Variants in HNF4G observed in about 807,000 individuals in gnomAD.
The protein encoded by HNF4G is hepatocyte nuclear factor 4 gamma.
Under a neutral mutation model 50.9 loss-of-function variants are expected in HNF4G, and 21 were observed. That is an observed-to-expected ratio of 0.41 (90% CI 0.29 to 0.59). HNF4G has a LOEUF of 0.59. HNF4G is among the 20% of genes least tolerant of loss of function. The probability of loss-of-function intolerance (pLI) is 0.26; values close to 1 mark genes in which losing one functional copy is unlikely to be tolerated. For missense variants in HNF4G, 527 were observed against 559.4 expected (o/e 0.94, Z 0.58); for synonymous variants, 198 against 185.6 (o/e 1.07, Z -0.54).
At chr8:75,548,965 A>C (rs1806867449) in intron 3 of HNF4G, among the ~76,000 whole-genome samples, 1 of 152,204 alleles carries the variant, frequency 6.6e-6, no homozygotes, top group African/African-American at 2.4e-5. Context: ...CTAATTTCAT[A>C]GGAAGCTCTA....
chr8:75,529,007 C>T (rs112386232), intron 2 of HNF4G, among the ~76,000 whole-genome samples: 32 of 152,228 alleles, frequency 2.1e-4, no homozygotes, highest in African/African-American at 7.5e-4. Flanking sequence ...CAGATCTCTG[C>T]CGGGCGCGGT....
At chr8:75,511,263 A>G (rs530131661) in intron 2 of HNF4G, among the ~76,000 whole-genome samples, 4 of 152,304 alleles carry the variant, frequency 2.6e-5, no homozygotes, top group Admixed American at 2.0e-4. Flanking sequence ...TGCCATGTGG[A>G]TATCAACTTT....
At chr8:75,511,349 A>G (rs1325823778) in intron 2 of HNF4G, among the ~76,000 whole-genome samples, 2 of 152,192 alleles carry the variant, frequency 1.3e-5, no homozygotes, top group African/African-American at 2.4e-5. Flanking sequence ...CACTCTCTTT[A>G]TAACATATAC....
intron 3 of HNF4G, among the ~76,000 whole-genome samples, chr8:75,548,013 G>A (rs1806839331): frequency 6.8e-6 from 1 of 148,136 alleles, no homozygotes; most frequent in Non-Finnish European, 1.5e-5. Flanking sequence ...TTTTGAGATG[G>A]AGTCTCGCTC....
At chr8:75,478,633 G>GT (rs1812297076) in intron 1 of HNF4G, among the ~76,000 whole-genome samples, 1 of 152,212 alleles carries the variant, frequency 6.6e-6, no homozygotes, top group African/African-American at 2.4e-5. Context: ...TTGTCAAGCG[G>GT]TATGTATTCT....
At chr8:75,496,475 C>T (rs535282157) in intron 2 of HNF4G, among the ~76,000 whole-genome samples, 7 of 152,028 alleles carry the variant, frequency 4.6e-5, no homozygotes, top group South Asian at 2.1e-4. Context: ...AAAAGCTTGA[C>T]GTTACCAGTT....
At position 75,530,855 on chromosome 8, in the gene HNF4G, C is replaced by T. The variant is rs188864171; in HGVS notation, c.-23-12956C>T. 3.2e-4 allele frequency among the ~76,000 whole-genome samples: 45 copies of T among 141,754 alleles called. 1 individual carries two copies. Among genetic ancestry groups the T allele is most frequent in the East Asian group, 1.9e-3 (9 of 4,802 alleles). The allele number at this position is 141,754 out of a possible 152,430, so 93.0% of individuals were successfully genotyped here. A position where few individuals can be genotyped will look rare whatever the true frequency, so the allele number is the denominator to read the frequency against. ...TCACCCAGGCTGGAGTGCAGTTGTG[C>T]GATCTCGGTTCACTGCAACCTCTGC... On this transcript the variant is annotated intron_variant, in intron 2 of 10. Transcript: ENST00000354370.
At chr8:75,513,896 A>C (rs1456019091) in intron 2 of HNF4G, among the ~76,000 whole-genome samples, 1 of 136,766 alleles carries the variant, frequency 7.3e-6, no homozygotes, top group Non-Finnish European at 1.7e-5. Flanking sequence ...TTTCATTTTT[A>C]GGTTAAGACT....
At chr8:75,413,198 CTT>C (rs1810542362) in intron 1 of HNF4G, among the ~76,000 whole-genome samples, 3 of 151,296 alleles carry the variant, frequency 2.0e-5, no homozygotes, top group South Asian at 2.1e-4. Context: ...CCATCACAAT[CTT>C]TAAGCAGGTT....
At chr8:75,451,690 C>T (rs1459776892) in intron 1 of HNF4G, among the ~76,000 whole-genome samples, 2 of 152,006 alleles carry the variant, frequency 1.3e-5, no homozygotes, top group Non-Finnish European at 2.9e-5. Context: ...TTATTCTGTC[C>T]CATTGGTCTA....
intron 1 of HNF4G, among the ~76,000 whole-genome samples, chr8:75,471,349 G>C (rs1221941761): frequency 1.3e-5 from 2 of 152,044 alleles, no homozygotes; most frequent in Non-Finnish European, 2.9e-5. Flanking sequence ...ATGAATTTCT[G>C]CAGTATATCT....
upstream of HNF4G, among the ~76,000 whole-genome samples, chr8:75,535,184 T>A (rs1485668285): frequency 1.3e-5 from 2 of 151,824 alleles, no homozygotes; most frequent in African/African-American, 4.8e-5. Flanking sequence ...CTTCTTTGTA[T>A]ATACATGGTA....
intron 1 of HNF4G, among the ~76,000 whole-genome samples, chr8:75,458,549 T>C (rs539177296): frequency 6.6e-6 from 1 of 152,182 alleles, no homozygotes; most frequent in Non-Finnish European, 1.5e-5. Context: ...AAAAACTGTT[T>C]TGTCTTTGAG....
chr8:75,523,589 A>G (rs1219895108), intron 2 of HNF4G, among the ~76,000 whole-genome samples: 6 of 152,154 alleles, frequency 3.9e-5, no homozygotes, highest in Admixed American at 3.3e-4. Context: ...ATTTTAGTGT[A>G]CGTTAAATGT....
intron 1 of HNF4G, among the ~76,000 whole-genome samples, chr8:75,449,048 T>C (rs1416865139): frequency 6.6e-6 from 1 of 152,240 alleles, no homozygotes; most frequent in Admixed American, 6.5e-5. Context: ...CATGTTGCTA[T>C]AATTAAAGGG....
intron 1 of HNF4G, among the ~76,000 whole-genome samples, chr8:75,543,385 G>A (rs2130787966): frequency 6.6e-6 from 1 of 152,226 alleles, no homozygotes; most frequent in African/African-American, 2.4e-5. Context: ...AGTTCTAGGG[G>A]AAAAATGAAA....
intron 1 of HNF4G, among the ~76,000 whole-genome samples, chr8:75,414,737 A>T (rs1810591813): frequency 6.6e-6 from 1 of 152,080 alleles, no homozygotes; most frequent in South Asian, 2.1e-4. Context: ...TTTTAAAAAT[A>T]TTTTTTGCTA....
At chr8:75,555,861 A>G in intron 5 of HNF4G, 121 bp from the exon 6 acceptor site, 1 of 481,104 alleles carries the variant, frequency 2.1e-6, no homozygotes, top group Non-Finnish European at 3.7e-6. Flanking sequence ...ATCTATGAAT[A>G]CTATAGTTTG....
intron 1 of HNF4G, among the ~76,000 whole-genome samples, chr8:75,485,228 C>T (rs563996813): frequency 1.6e-4 from 25 of 151,820 alleles, no homozygotes; most frequent in Middle Eastern, 3.4e-3. Context: ...TTCCCTATAC[C>T]AAGTACTTAT....
Sources: gnomAD v4.1 joint callset for allele counts (sites outside exome capture counted in the v4.1 genomes callset) on GRCh38, gnomAD v4.1.1 for gene constraint, MANE v1.5 for transcripts, NCBI Gene and HGNC (gene_info 2026-07-23, HGNC 2026-07-21) for gene names.